Variants in WWTR1 observed in about 807,000 individuals in gnomAD.
WWTR1 encodes the protein WW domain containing transcription regulator 1, also known as WW domain-containing transcription regulator protein 1.
WWTR1 carries 13 observed loss-of-function variants against 40.1 expected under a neutral mutation model. That is an observed-to-expected ratio of 0.32 (90% CI 0.21 to 0.52). The LOEUF is 0.52. Ranked by LOEUF, WWTR1 falls within the 20% of genes least tolerant of loss-of-function variation. The pLI is 0.97. For synonymous variants in WWTR1, 230 were observed against 210.1 expected (o/e 1.09, Z -0.82); for missense variants, 436 against 523.1 (o/e 0.83, Z 1.63).
At chr3:149,652,526 G>A (rs1260329467) in intron 2 of WWTR1, among the ~76,000 whole-genome samples, 1 of 147,094 alleles carries the variant, frequency 6.8e-6, no homozygotes, top group African/African-American at 2.5e-5. Context: ...AGGAAGCTGA[G>A]GTGGGAGGAT....
At chr3:149,664,498 C>T (rs775712515) in intron 2 of WWTR1, among the ~76,000 whole-genome samples, 1 of 152,064 alleles carries the variant, frequency 6.6e-6, no homozygotes, top group Non-Finnish European at 1.5e-5. Flanking sequence ...TCTTTTGTTG[C>T]CGTGTTTCAC....
chr3:149,684,815 C>T (rs187041447), intron 1 of WWTR1, among the ~76,000 whole-genome samples: 2 of 152,266 alleles, frequency 1.3e-5, no homozygotes, highest in Admixed American at 1.3e-4. Flanking sequence ...CCTCCCACCT[C>T]TGCCTTTCAA....
chr3:149,592,758 A>G (rs1000711926), intron 2 of WWTR1, among the ~76,000 whole-genome samples: 4 of 152,186 alleles, frequency 2.6e-5, no homozygotes, highest in African/African-American at 4.8e-5. Flanking sequence ...GCCTGTATCT[A>G]TTCTTAGTGT....
intron 2 of WWTR1, among the ~76,000 whole-genome samples, chr3:149,640,316 G>A (rs78158626): frequency 0.017 from 2,532 of 152,230 alleles, 72 homozygotes; most frequent in African/African-American, 0.058. Context: ...CCAGACAGTT[G>A]CATCTTAAAG....
intron 2 of WWTR1, among the ~76,000 whole-genome samples, chr3:149,592,294 C>A (rs1738766103): frequency 6.6e-6 from 1 of 152,082 alleles, no homozygotes; most frequent in South Asian, 2.1e-4. Flanking sequence ...TATTACTATC[C>A]TATAGAATAC....
At chr3:149,530,342 T>A (rs907667155) in intron 4 of WWTR1, among the ~76,000 whole-genome samples, 17 of 111,020 alleles carry the variant, frequency 1.5e-4, no homozygotes, top group Non-Finnish European at 2.4e-4. Flanking sequence ...AGCGAGACTC[T>A]GTCTCAAAAA....
chr3:149,539,684 T>C (rs1288459487), intron 4 of WWTR1, among the ~76,000 whole-genome samples: 1 of 152,188 alleles, frequency 6.6e-6, no homozygotes, highest in Non-Finnish European at 1.5e-5. Context: ...TCCTACCAGA[T>C]GCTGGAAGGC....
intron 2 of WWTR1, among the ~76,000 whole-genome samples, chr3:149,606,592 G>A (rs1462246764): frequency 6.6e-6 from 1 of 152,076 alleles, no homozygotes; most frequent in Admixed American, 6.6e-5. Flanking sequence ...TTTTGTGAGG[G>A]GTGGGTAAAA....
chr3:149,644,962 C>T (rs767939143), intron 2 of WWTR1, among the ~76,000 whole-genome samples: 10 of 152,196 alleles, frequency 6.6e-5, no homozygotes, highest in East Asian at 1.9e-4. Flanking sequence ...AAGCAATTCT[C>T]GTGTCTCAGC....
intron 3 of WWTR1, among the ~76,000 whole-genome samples, chr3:149,569,617 G>A (rs1737526061): frequency 6.6e-6 from 1 of 152,108 alleles, no homozygotes; most frequent in Non-Finnish European, 1.5e-5. Flanking sequence ...TTATATCACG[G>A]CTCTAGAAAT....
chr3:149,572,149 C>T (rs1429100412), intron 3 of WWTR1, among the ~76,000 whole-genome samples: 2 of 152,172 alleles, frequency 1.3e-5, no homozygotes, highest in Non-Finnish European at 2.9e-5. Flanking sequence ...CTCTGCTCTC[C>T]ACAAGCTGCA....
intron 1 of WWTR1, among the ~76,000 whole-genome samples, chr3:149,684,312 C>T (rs951140314): frequency 4.6e-5 from 7 of 152,068 alleles, no homozygotes; most frequent in East Asian, 1.9e-4. Context: ...TCAGCCACCA[C>T]GCCCAGCTGA....
At chr3:149,708,234 T>C (rs1715383330), upstream of WWTR1, among the ~76,000 whole-genome samples, 1 of 152,172 alleles carries the variant, frequency 6.6e-6, no homozygotes, top group Non-Finnish European at 1.5e-5. Context: ...TAAATATGAC[T>C]GACAACATTT....
At chr3:149,663,275 C>T (rs1576630796) in intron 2 of WWTR1, among the ~76,000 whole-genome samples, 1 of 152,102 alleles carries the variant, frequency 6.6e-6, no homozygotes, top group South Asian at 2.1e-4. Context: ...ACCTCAGCCT[C>T]CCAAAGTGCT....
chr3:149,561,861 C>A (rs1267413875), intron 3 of WWTR1, among the ~76,000 whole-genome samples: 2 of 152,268 alleles, frequency 1.3e-5, no homozygotes, highest in Non-Finnish European at 2.9e-5. Context: ...TAGTGTTTCC[C>A]TGGAAAGGAG....
chr3:149,552,922 C>G (rs1434938472), intron 3 of WWTR1, among the ~76,000 whole-genome samples: 1 of 152,146 alleles, frequency 6.6e-6, no homozygotes. Flanking sequence ...TCATCTTGGT[C>G]TTGCTTTCAC....
chr3:149,558,461 C>A (rs1027096823), intron 3 of WWTR1, among the ~76,000 whole-genome samples: 3 of 152,132 alleles, frequency 2.0e-5, no homozygotes, highest in African/African-American at 7.2e-5. Flanking sequence ...GACCAAAAAG[C>A]CTTTCCACAT....
intron 2 of WWTR1, among the ~76,000 whole-genome samples, chr3:149,622,483 AAGGAAGGAAGGAAGG>A (rs1740329665): frequency 7.8e-6 from 1 of 129,016 alleles, no homozygotes; most frequent in African/African-American, 2.9e-5. Flanking sequence ...GGAAGGAAGG[AAGGAAGGAAGGAAGG>A]AAGGAAGAAA....
At chr3:149,704,567 C>T (rs1715281817), upstream of WWTR1, among the ~76,000 whole-genome samples, 2 of 152,102 alleles carry the variant, frequency 1.3e-5, no homozygotes, top group Admixed American at 6.5e-5. Context: ...CAAATTCAAC[C>T]TCCAGAACAG....
Sources: allele counts gnomAD v4.1 joint callset (sites outside exome capture counted in the v4.1 genomes callset), GRCh38; gene constraint gnomAD v4.1.1; transcripts MANE v1.5; gene names NCBI Gene and HGNC (gene_info 2026-07-23, HGNC 2026-07-21).